NECTIN3: variants seen among roughly 807,000 people sequenced by gnomAD.
NECTIN3 encodes the protein nectin-3.
NECTIN3 carries 8 observed loss-of-function variants against 49.4 expected under a neutral mutation model. The ratio of observed to expected loss-of-function variants is 0.16; its 90% confidence interval spans 0.10 to 0.29. The LOEUF is 0.29. Among genes scored for constraint, NECTIN3 ranks in the 10% least tolerant of loss-of-function variants. NECTIN3 has a pLI of 1.00. For synonymous variants in NECTIN3, 277 were observed against 241.1 expected, an observed-to-expected ratio of 1.15 and a Z score of -1.38; for missense variants, 581 against 654.6, an observed-to-expected ratio of 0.89 and a Z score of 1.23.
intron 6 of NECTIN3, among the ~76,000 whole-genome samples, chr3:111,146,861 CTT>C (rs1442799104): frequency 6.6e-6 from 1 of 151,972 alleles, no homozygotes; most frequent in Non-Finnish European, 1.5e-5. Context: ...GCTCATGTAA[CTT>C]TGGAAAAAAT....
chr3:111,077,580 T>A (rs1443551987), intron 1 of NECTIN3, among the ~76,000 whole-genome samples: 1 of 150,898 alleles, frequency 6.6e-6, no homozygotes, highest in East Asian at 1.9e-4. Context: ...CGGGCCCCAC[T>A]ATGGACTTAC....
chr3:111,134,334 A>G lies in NECTIN3; in HGVS notation c.*119A>G, dbSNP rs563128731. The G allele has an allele frequency of 5.6e-5, 81 of 1,440,080 alleles. No homozygotes were observed. The highest frequency in any genetic ancestry group is 7.0e-5 in the Non-Finnish European group (77 of 1,100,406). 89.2% of individuals were successfully genotyped at this position (1,440,080 alleles called of 1,614,324 possible). A position where few individuals can be genotyped will look rare whatever the true frequency, so the allele number is the denominator to read the frequency against. On this transcript the variant is annotated 3_prime_UTR_variant, in exon 6 of 6. Coordinates refer to ENST00000485303, the MANE Select transcript of NECTIN3 (RefSeq NM_015480.3). ...CTTTTTCAAGTTGATTTTCAAGCTTACTTTTTATATTCTAATCTGACAAAT... is the reference window on the plus strand; with the variant it reads ...CTTTTTCAAGTTGATTTTCAAGCTTGCTTTTTATATTCTAATCTGACAAAT...
intron 4 of NECTIN3, among the ~76,000 whole-genome samples, chr3:111,123,252 G>A (rs2034027724): frequency 6.6e-6 from 1 of 151,534 alleles, no homozygotes. Context: ...TTCTTCCCAG[G>A]GATACTAGAA....
upstream of NECTIN3, among the ~76,000 whole-genome samples, chr3:111,189,002 A>G (rs1032800272): frequency 3.9e-5 from 6 of 152,184 alleles, no homozygotes; most frequent in Non-Finnish European, 8.8e-5. Context: ...TGCCACAAGG[A>G]ATAGTCAAGG....
At chr3:111,149,759 A>G (rs1009495671) in intron 7 of NECTIN3, among the ~76,000 whole-genome samples, 1 of 151,534 alleles carries the variant, frequency 6.6e-6, no homozygotes, top group African/African-American at 2.4e-5. Flanking sequence ...TTTGCTGCAA[A>G]TGACAGTTCT....
chr3:111,155,831 G>C (rs1206665818), intron 7 of NECTIN3, among the ~76,000 whole-genome samples: 1 of 152,118 alleles, frequency 6.6e-6, no homozygotes, highest in African/African-American at 2.4e-5. Context: ...TTCATATTGT[G>C]ACATGAGCAA....
intron 5 of NECTIN3, among the ~76,000 whole-genome samples, chr3:111,133,001 A>G (rs1391267948): frequency 6.6e-6 from 1 of 151,790 alleles, no homozygotes; most frequent in Non-Finnish European, 1.5e-5. Flanking sequence ...TTTACTATAT[A>G]TCTCCTTCCA....
Position 111,118,646 on chromosome 3 carries a change from A to G in NECTIN3, c.503-10A>G. ...GAATGTAACTAATTATTAAAAAAATATTTAAACAGTTGAACCCACTGTGAG... is the reference window on the plus strand; with the variant it reads ...GAATGTAACTAATTATTAAAAAAATGTTTAAACAGTTGAACCCACTGTGAG... On this transcript the variant is annotated splice_polypyrimidine_tract_variant and intron_variant, in intron 2 of 5. Coordinates refer to ENST00000485303, the MANE Select transcript of NECTIN3 (RefSeq NM_015480.3). 6.6e-7 allele frequency: 1 copy of G among 1,522,052 alleles called. No individual in the cohort carries two copies. Among genetic ancestry groups the G allele is most frequent in the Non-Finnish European group, 8.8e-7 (1 of 1,136,076 alleles). The allele number at this position is 1,522,052 out of a possible 1,614,324, so 94.3% of individuals were successfully genotyped here. A position where few individuals can be genotyped will look rare whatever the true frequency, so the allele number is the denominator to read the frequency against.
At chr3:111,173,242 C>T (rs1034816364) in intron 7 of NECTIN3, among the ~76,000 whole-genome samples, 2 of 152,192 alleles carry the variant, frequency 1.3e-5, no homozygotes, top group Non-Finnish European at 2.9e-5. Flanking sequence ...CACATCTTTA[C>T]AAGACCAGTG....
At chr3:111,110,194 A>G (rs1229777048) in intron 1 of NECTIN3, among the ~76,000 whole-genome samples, 1 of 151,574 alleles carries the variant, frequency 6.6e-6, no homozygotes. Context: ...CCTTTTTCAT[A>G]TTACACTGGA....
chr3:111,109,869 A>C (rs1269741286), intron 1 of NECTIN3, among the ~76,000 whole-genome samples: 1 of 152,046 alleles, frequency 6.6e-6, no homozygotes, highest in African/African-American at 2.4e-5. Context: ...GAGAATTGAC[A>C]TGTAAATAAG....
intron 7 of NECTIN3, among the ~76,000 whole-genome samples, chr3:111,182,414 A>T (rs1037027760): frequency 6.6e-6 from 1 of 152,120 alleles, no homozygotes; most frequent in Admixed American, 6.6e-5. Flanking sequence ...TATAGTAACT[A>T]AGATGGGAAT....
chr3:111,133,932 A>G lies in NECTIN3; in HGVS notation c.1367A>G (p.Asp456Gly), dbSNP rs759328302. 46 of 1,613,790 alleles carry G rather than the reference A, an allele frequency of 2.9e-5. No homozygotes were observed. Among genetic ancestry groups the G allele is most frequent in the Non-Finnish European group, 3.6e-5 (42 of 1,179,878 alleles). ...PSDMQKESQIDVLQQDELDSY... is the reference protein window; with the variant it reads ...PSDMQKESQIGVLQQDELDSY... Reference sequence around the variant, plus strand: ...GATATGCAAAAAGAATCACAAATAGATGTTCTTCAACAAGATGAGCTTGAT... The same window carrying G: ...GATATGCAAAAAGAATCACAAATAGGTGTTCTTCAACAAGATGAGCTTGAT... Residue 456 changes from aspartate to glycine, a missense_variant, in exon 6 of 6, where the codon GAT becomes GGT. Asp to Gly is a moderately conservative substitution (Grantham distance 94, BLOSUM62 -1). Coordinates refer to ENST00000485303, the MANE Select transcript of NECTIN3 (RefSeq NM_015480.3).
chr3:111,125,739 G>T (rs778539935), intron 4 of NECTIN3, among the ~76,000 whole-genome samples: 5 of 152,112 alleles, frequency 3.3e-5, no homozygotes, highest in African/African-American at 7.2e-5. Context: ...GTTATAGAGG[G>T]TGCTAAAACA....
rs577495163 is a variant in NECTIN3 at position 111,072,130 on chromosome 3, C to G, written c.113C>G (p.Pro38Arg). 86 of 1,549,930 alleles carry G rather than the reference C, an allele frequency of 5.5e-5. No homozygotes were observed. In the Admixed American group the frequency reaches 1.6e-3, roughly 30 times the overall value. The change falls in exon 1 of 6, where the codon CCG becomes CGG. Residue 38 changes from proline to arginine, a missense_variant. Transcript: ENST00000485303. ...GLLLQPPTPP[P>R]LLLLLFPLLL... ...CTGCTGCAGCCCCCGACGCCACCTC[C>G]GCTGCTGCTGCTGCTCTTCCCGCTG...
At chr3:111,129,822 TG>T in intron 5 of NECTIN3, among the ~76,000 whole-genome samples, 1 of 151,608 alleles carries the variant, frequency 6.6e-6, no homozygotes, top group South Asian at 2.1e-4. Flanking sequence ...CTAATTTTTT[TG>T]TATTTTAGAA....
chr3:111,131,183 A>G (rs2034375469), intron 5 of NECTIN3, among the ~76,000 whole-genome samples: 1 of 152,004 alleles, frequency 6.6e-6, no homozygotes, highest in South Asian at 2.1e-4. Flanking sequence ...GCATTACATG[A>G]CTATTTTATG....
intron 7 of NECTIN3, among the ~76,000 whole-genome samples, chr3:111,172,302 G>A (rs1005700725): frequency 2.0e-5 from 3 of 152,062 alleles, no homozygotes; most frequent in Admixed American, 6.5e-5. Flanking sequence ...ATTGTTCTGG[G>A]CACTTGTCAC....
At chr3:111,144,863 G>C in intron 5 of NECTIN3, 2 of 1,503,498 alleles carry the variant, frequency 1.3e-6, no homozygotes, top group Non-Finnish European at 1.8e-6. Flanking sequence ...TTATTTTTAA[G>C]ATTATTTGAA....
Sources: allele counts gnomAD v4.1 joint callset (sites outside exome capture counted in the v4.1 genomes callset), GRCh38; gene constraint gnomAD v4.1.1; transcripts MANE v1.5; gene names NCBI Gene and HGNC (gene_info 2026-07-23, HGNC 2026-07-21).